The following UHMK1 variants were observed in gnomAD, a reference collection of about 807,000 sequenced individuals.
The protein encoded by UHMK1 is serine/threonine-protein kinase Kist.
A neutral mutation model predicts 44.0 loss-of-function variants in UHMK1; 18 were observed. The ratio of observed to expected loss-of-function variants is 0.41; its 90% confidence interval spans 0.28 to 0.61. The LOEUF is 0.61. UHMK1 is among the 20% of genes least tolerant of loss of function. The probability of loss-of-function intolerance (pLI) is 0.31; values close to 1 mark genes in which losing one functional copy is unlikely to be tolerated. For synonymous variants in UHMK1, 231 were observed against 198.5 expected (o/e 1.16, Z -1.38); for missense variants, 463 against 522.5 (o/e 0.89, Z 1.11).
At chr1:162,521,488 C>T (rs944589776) in intron 7 of UHMK1, among the ~76,000 whole-genome samples, 1 of 152,126 alleles carries the variant, frequency 6.6e-6, no homozygotes, top group South Asian at 2.1e-4. Flanking sequence ...GGGTCTTGCT[C>T]TGTCACCCAG....
At chr1:162,518,073 C>G (rs1477613589) in intron 6 of UHMK1, 29 bp from the exon 7 acceptor site, 2 of 1,445,282 alleles carry the variant, frequency 1.4e-6, no homozygotes. Context: ...TATATCAGAG[C>G]AGTTACTGTT....
chr1:162,523,646 T>A lies in UHMK1; in HGVS notation c.*1096T>A, dbSNP rs956894289. The stretch of plus-strand genomic sequence containing the variant: ...TACAGTGAAGGGAAAAGAAAAAAAA[T>A]GGGCGAAGAGAGGGTGGAAAATAAA... On this transcript the variant is annotated 3_prime_UTR_variant, in exon 8 of 8. Transcript: ENST00000489294. 2.0e-5 allele frequency: 3 copies of A among 152,288 alleles called. No individual in the cohort carries two copies. The highest frequency in any genetic ancestry group is 6.6e-5 in the Admixed American group (1 of 15,254). The allele number at this position is 152,288 out of a possible 1,614,324, so 9.4% of individuals were successfully genotyped here. A position where few individuals can be genotyped will look rare whatever the true frequency, so the allele number is the denominator to read the frequency against.
intron 7 of UHMK1, among the ~76,000 whole-genome samples, chr1:162,520,276 A>C (rs954513353): frequency 2.6e-5 from 4 of 152,224 alleles, no homozygotes; most frequent in Admixed American, 2.0e-4. Context: ...GCACAGTTTT[A>C]TTCTAGTCCT....
At chr1:162,518,890 G>A (rs1651938901) in intron 7 of UHMK1, among the ~76,000 whole-genome samples, 1 of 151,700 alleles carries the variant, frequency 6.6e-6, no homozygotes, top group African/African-American at 2.4e-5. Context: ...TGGAGGGGCT[G>A]AGGCAGGAGA....
Position 162,522,680 on chromosome 1 carries a change from C to T in UHMK1, c.*130C>T. On this transcript the variant is annotated 3_prime_UTR_variant, in exon 8 of 8. Transcript: ENST00000489294. The stretch of plus-strand genomic sequence containing the variant: ...ACATTTATTTAATCCTACTAATGTG[C>T]AGCCATTGCCCAAGCAGTGACTGCG... The T allele has an allele frequency of 9.5e-7, 1 of 1,049,960 alleles. No homozygotes were observed. 65.0% of individuals were successfully genotyped at this position (1,049,960 alleles called of 1,614,324 possible). A position where few individuals can be genotyped will look rare whatever the true frequency, so the allele number is the denominator to read the frequency against.
chr1:162,511,034 T>A (rs4292935), intron 4 of UHMK1, among the ~76,000 whole-genome samples: 69,277 of 151,758 alleles, frequency 0.46, 15,861 homozygotes, highest in East Asian at 0.47. Context: ...CATTTTCCTG[T>A]TGATTAGCGA....
chr1:162,497,691 A>G (rs1279779359), upstream of UHMK1: 12 of 869,090 alleles, frequency 1.4e-5, no homozygotes, highest in Non-Finnish European at 1.8e-5. Flanking sequence ...CTCAATAATT[A>G]AGGTTACTTC....
intron 7 of UHMK1, among the ~76,000 whole-genome samples, chr1:162,520,554 A>G (rs1384973096): frequency 6.6e-6 from 1 of 152,168 alleles, no homozygotes. Flanking sequence ...ATGGGTTAGT[A>G]GGGAAGGACA....
At position 162,524,307 on chromosome 1, in the gene UHMK1, A is replaced by G. The variant is rs1011186776; in HGVS notation, c.*1757A>G. The G allele has an allele frequency of 3.3e-5, 5 of 152,208 alleles. No individual in the cohort carries two copies. The highest frequency in any genetic ancestry group is 5.9e-5 in the Non-Finnish European group (4 of 68,034). 9.4% of individuals were successfully genotyped at this position (152,208 alleles called of 1,614,324 possible). The stretch of plus-strand genomic sequence containing the variant: ...TCAGGACTCTCCTTTAATGTTTATT[A>G]TGAAACCAAATTTGGCATAAGGAGG... On this transcript the variant is annotated 3_prime_UTR_variant, in exon 8 of 8. Coordinates refer to ENST00000489294, the MANE Select transcript of UHMK1 (RefSeq NM_175866.5).
chr1:162,516,738 C>G (rs1049019347), intron 6 of UHMK1, among the ~76,000 whole-genome samples: 1 of 152,016 alleles, frequency 6.6e-6, no homozygotes, highest in Admixed American at 6.5e-5. Context: ...AGGAAGTAGA[C>G]AAGTATTTTA....
At chr1:162,513,048 G>C (rs1338829312) in intron 6 of UHMK1, 2 of 393,012 alleles carry the variant, frequency 5.1e-6, no homozygotes, top group South Asian at 4.5e-5. Context: ...TGCCTCCTGG[G>C]TTCAAGCCTC....
Position 162,500,982 on chromosome 1 carries a change from G to A in UHMK1, c.631G>A (p.Ala211Thr). Residue 211 changes from alanine to threonine, a missense_variant, in exon 3 of 8, where the codon GCT becomes ACT. By Grantham distance (58) the Ala-to-Thr change is moderately conservative. This residue lies in a region of UHMK1 where 264 missense variants were observed against 326.3 expected (regional missense o/e 0.81). Transcript: ENST00000489294. ...EAELQNCLAQ[A>T]GLQSDTECTS... ...AGAATTGCAAAATTGCTTGGCCCAGGCTGGCCTGCAGAGTGATACAGAATG... is the reference window on the plus strand; with the variant it reads ...AGAATTGCAAAATTGCTTGGCCCAGACTGGCCTGCAGAGTGATACAGAATG... 1 of 1,614,114 alleles carries A rather than the reference G, an allele frequency of 6.2e-7. No homozygotes were observed. The highest frequency in any genetic ancestry group is 8.5e-7 in the Non-Finnish European group (1 of 1,180,004).
chr1:162,508,975 A>G (rs1161118643), intron 4 of UHMK1, among the ~76,000 whole-genome samples: 4 of 151,940 alleles, frequency 2.6e-5, no homozygotes, highest in Non-Finnish European at 5.9e-5. Flanking sequence ...TTTGTAGACA[A>G]AGTCACACTA....
intron 6 of UHMK1, among the ~76,000 whole-genome samples, chr1:162,513,618 T>C (rs1651742087): frequency 1.3e-5 from 2 of 152,180 alleles, no homozygotes; most frequent in Non-Finnish European, 2.9e-5. Context: ...ATATCTGAGC[T>C]CAGTAATTTG....
At chr1:162,504,902 G>A (rs1381382591) in intron 4 of UHMK1, among the ~76,000 whole-genome samples, 1 of 152,076 alleles carries the variant, frequency 6.6e-6, no homozygotes, top group African/African-American at 2.4e-5. Context: ...AGCCTCTTGA[G>A]TAGCTGGAAT....
At chr1:162,507,572 C>G (rs895215627) in intron 4 of UHMK1, among the ~76,000 whole-genome samples, 6 of 150,178 alleles carry the variant, frequency 4.0e-5, no homozygotes, top group South Asian at 4.2e-4. Context: ...CACCCCCAAC[C>G]CATTCTTTCT....
intron 1 of UHMK1, among the ~76,000 whole-genome samples, chr1:162,498,633 G>A (rs938814309): frequency 6.6e-6 from 1 of 152,156 alleles, no homozygotes; most frequent in Non-Finnish European, 1.5e-5. Context: ...AGTAGAAAAT[G>A]GGAACTACGT....
intron 7 of UHMK1, among the ~76,000 whole-genome samples, chr1:162,518,599 T>C (rs1487197318): frequency 1.3e-5 from 2 of 151,792 alleles, no homozygotes; most frequent in Non-Finnish European, 2.9e-5. Context: ...GGAGAAACAC[T>C]TGAACTCAGG....
At chr1:162,520,141 G>A (rs967581621) in intron 7 of UHMK1, among the ~76,000 whole-genome samples, 2 of 152,266 alleles carry the variant, frequency 1.3e-5, no homozygotes, top group African/African-American at 4.8e-5. Context: ...GATCCAACCC[G>A]ATTCAGTCTC....
Sources: allele counts gnomAD v4.1 joint callset (sites outside exome capture counted in the v4.1 genomes callset), GRCh38; gene constraint gnomAD v4.1.1; regional missense constraint gnomAD v4.1.1; transcripts MANE v1.5; gene names NCBI Gene and HGNC (gene_info 2026-07-23, HGNC 2026-07-21).